UBASH3B: variants seen among roughly 807,000 people sequenced by gnomAD.
The protein encoded by UBASH3B is ubiquitin associated and SH3 domain containing B.
UBASH3B carries 37 observed loss-of-function variants against 83.4 expected under a neutral mutation model. The observed-to-expected ratio is 0.44, with a 90% CI of 0.34 to 0.58. UBASH3B has a LOEUF of 0.58. UBASH3B is among the 20% of genes least tolerant of loss of function. The probability of loss-of-function intolerance (pLI) is 0.01; values close to 1 mark genes in which losing one functional copy is unlikely to be tolerated. For missense variants in UBASH3B, 657 were observed against 827.2 expected, an observed-to-expected ratio of 0.79 and a Z score of 2.52; for synonymous variants, 304 against 318.3, an observed-to-expected ratio of 0.96 and a Z score of 0.48.
intron 1 of UBASH3B, among the ~76,000 whole-genome samples, chr11:122,697,213 A>G (rs1863975405): frequency 6.6e-6 from 1 of 152,244 alleles, no homozygotes; most frequent in Non-Finnish European, 1.5e-5. Context: ...GAATGGTGGC[A>G]TAACAGACCA....
At chr11:122,788,228 A>C (rs886637189) in intron 5 of UBASH3B, among the ~76,000 whole-genome samples, 5 of 152,176 alleles carry the variant, frequency 3.3e-5, no homozygotes, top group African/African-American at 7.2e-5. Flanking sequence ...TGTTAAAACT[A>C]TAGGTTTAAA....
At chr11:122,691,423 C>G (rs1350416913) in intron 1 of UBASH3B, among the ~76,000 whole-genome samples, 10 of 152,188 alleles carry the variant, frequency 6.6e-5, no homozygotes, top group Non-Finnish European at 1.3e-4. Flanking sequence ...AGGAAACTGG[C>G]CTTTGTTAGC....
intron 1 of UBASH3B, among the ~76,000 whole-genome samples, chr11:122,770,175 C>G (rs1365280583): frequency 6.6e-6 from 1 of 152,214 alleles, no homozygotes; most frequent in Non-Finnish European, 1.5e-5. Context: ...TGTGAGTCCA[C>G]CAGCAATGCA....
At chr11:122,728,684 T>C (rs899693332) in intron 1 of UBASH3B, among the ~76,000 whole-genome samples, 3 of 152,222 alleles carry the variant, frequency 2.0e-5, no homozygotes, top group Non-Finnish European at 4.4e-5. Context: ...GCAACATTTG[T>C]TGAGTGCCTA....
chr11:122,662,227 A>C (rs182101048), intron 1 of UBASH3B, among the ~76,000 whole-genome samples: 334 of 151,904 alleles, frequency 2.2e-3, no homozygotes, highest in Non-Finnish European at 4.0e-3. Flanking sequence ...CTTTTTTTAA[A>C]AAAACTTTTT....
intron 1 of UBASH3B, among the ~76,000 whole-genome samples, chr11:122,738,172 T>C (rs1370556898): frequency 1.4e-5 from 2 of 147,726 alleles, no homozygotes; most frequent in African/African-American, 5.4e-5. Flanking sequence ...ACTTACTAAG[T>C]GACCTTAGAC....
chr11:122,689,497 C>T (rs1302057285), intron 1 of UBASH3B, among the ~76,000 whole-genome samples: 2 of 152,096 alleles, frequency 1.3e-5, no homozygotes, highest in East Asian at 3.9e-4. Context: ...TTCCAGAAAA[C>T]TCTCAAACTG....
intron 1 of UBASH3B, among the ~76,000 whole-genome samples, chr11:122,714,194 T>TGGA: frequency 6.6e-6 from 1 of 152,308 alleles, no homozygotes; most frequent in South Asian, 2.1e-4. Flanking sequence ...GGCTCCCCCT[T>TGGA]CGCTCATATT....
At chr11:122,725,853 C>T (rs114526233) in intron 1 of UBASH3B, among the ~76,000 whole-genome samples, 2,316 of 151,988 alleles carry the variant, frequency 0.015, 63 homozygotes, top group African/African-American at 0.052. Flanking sequence ...ACCACCACGC[C>T]GGCCAATTTT....
chr11:122,662,960 A>ACG (rs1487967221), intron 1 of UBASH3B, among the ~76,000 whole-genome samples: 1 of 141,900 alleles, frequency 7.0e-6, no homozygotes, highest in Non-Finnish European at 1.5e-5. Context: ...ATTCCCTCTT[A>ACG]CGCGCTAATG....
In UBASH3B at chr11:122,809,864, G is replaced by A. The variant is rs199692437; in HGVS notation, c.1928G>A (p.Arg643Lys). Residue 643 changes from arginine to lysine, a missense_variant, in exon 14 of 14, where the codon AGA becomes AAA. Coordinates refer to ENST00000284273, the MANE Select transcript of UBASH3B (RefSeq NM_032873.5). ...THGPTGGFNW[R>K]ETLLQE ...GGACCAACTGGGGGCTTCAACTGGA[G>A]AGAGACCTTGCTTCAAGAATAAACC... is the stretch of plus-strand genomic sequence containing the variant. 50 of 1,614,032 alleles carry A rather than the reference G, an allele frequency of 3.1e-5. No individual in the cohort carries two copies. Among genetic ancestry groups the A allele is most frequent in the Non-Finnish European group, 2.8e-5 (33 of 1,180,028 alleles).
At chr11:122,696,094 T>C (rs1330379549) in intron 1 of UBASH3B, among the ~76,000 whole-genome samples, 1 of 150,978 alleles carries the variant, frequency 6.6e-6, no homozygotes, top group South Asian at 2.1e-4. Flanking sequence ...GGATTATAGG[T>C]GCCCACCACC....
chr11:122,688,319 A>G (rs1863833767), intron 1 of UBASH3B, among the ~76,000 whole-genome samples: 1 of 151,216 alleles, frequency 6.6e-6, no homozygotes, highest in South Asian at 2.1e-4. Context: ...GCTGGAGCGT[A>G]GTGGCACGAT....
At chr11:122,740,219 G>A (rs1307877862) in intron 1 of UBASH3B, among the ~76,000 whole-genome samples, 3 of 152,180 alleles carry the variant, frequency 2.0e-5, no homozygotes, top group Admixed American at 6.5e-5. Flanking sequence ...CTGTGAATAG[G>A]TTAATTTGGA....
chr11:122,752,296 A>C (rs905370099), intron 1 of UBASH3B, among the ~76,000 whole-genome samples: 3 of 152,132 alleles, frequency 2.0e-5, no homozygotes, highest in African/African-American at 7.2e-5. Flanking sequence ...GCTATTGAGG[A>C]GATAAGACAC....
chr11:122,746,880 T>A (rs1346048101), intron 1 of UBASH3B, among the ~76,000 whole-genome samples: 3 of 151,980 alleles, frequency 2.0e-5, no homozygotes, highest in Admixed American at 2.0e-4. Flanking sequence ...TGAGGGGGGA[T>A]TTGTGATTCA....
chr11:122,756,116 T>C (rs1356131713), intron 1 of UBASH3B, among the ~76,000 whole-genome samples: 1 of 152,220 alleles, frequency 6.6e-6, no homozygotes, highest in Non-Finnish European at 1.5e-5. Flanking sequence ...GCTGACTGTA[T>C]TCAGGGGCAG....
intron 1 of UBASH3B, among the ~76,000 whole-genome samples, chr11:122,755,498 G>T (rs1257327023): frequency 1.3e-5 from 2 of 152,096 alleles, no homozygotes; most frequent in Non-Finnish European, 2.9e-5. Context: ...ACACCGAGGA[G>T]CTTTGCCTGG....
chr11:122,703,692 T>C (rs116757542), intron 1 of UBASH3B, among the ~76,000 whole-genome samples: 2,020 of 152,326 alleles, frequency 0.013, 39 homozygotes, highest in South Asian at 0.074. Flanking sequence ...ATATAATGTA[T>C]TGTTTTATTG....
Sources: gnomAD v4.1 joint callset for allele counts (sites outside exome capture counted in the v4.1 genomes callset) on GRCh38, gnomAD v4.1.1 for gene constraint, MANE v1.5 for transcripts, NCBI Gene and HGNC (gene_info 2026-07-23, HGNC 2026-07-21) for gene names.